The following CHST4 variants were observed in gnomAD, a reference collection of about 807,000 sequenced individuals.
CHST4 encodes GST-3.
For synonymous variants in CHST4, 171 were observed against 195.5 expected, an observed-to-expected ratio of 0.87 and a Z score of 1.05; for missense variants, 466 against 506.0, an observed-to-expected ratio of 0.92 and a Z score of 0.76.
chr16:71,534,518 C>T lies in CHST4; in HGVS notation c.-18-2142C>T, dbSNP rs544357879. 1.7e-4 allele frequency among the ~76,000 whole-genome samples: 26 copies of T among 151,934 alleles called. No homozygotes were observed. The South Asian group carries it at 5.4e-3, about 32-fold the overall frequency. The stretch of plus-strand genomic sequence containing the variant: ...GATTACAGGCACCAGCCAACACGTC[C>T]AGCTAATTTTTGTATTTTTAGCAGA... On this transcript the variant is annotated intron_variant, in intron 1 of 1. Coordinates refer to ENST00000539698, the MANE Select transcript of CHST4 (RefSeq NM_001166395.2).
chr16:71,536,870 C>T lies in CHST4; in HGVS notation c.193C>T (p.His65Tyr). 1.3e-6 allele frequency: 2 copies of T among 1,561,236 alleles called. No homozygotes were observed. The highest frequency in any genetic ancestry group is 1.7e-6 in the Non-Finnish European group (2 of 1,154,312). ...SSFVGQLFGQ[H>Y]PDVFYLMEPA... The stretch of plus-strand genomic sequence containing the variant: ...TTTTGTGGGGCAGCTTTTTGGGCAG[C>T]ACCCAGATGTTTTCTACCTGATGGA... Residue 65 changes from histidine (H) to tyrosine (Y), a missense_variant, in exon 2 of 2, where the codon CAC becomes TAC. Physicochemically the swap from His to Tyr is moderately conservative, Grantham distance 83. Transcript: ENST00000539698.
At chr16:71,527,377 T>C (rs973969843) in intron 1 of CHST4, among the ~76,000 whole-genome samples, 12 of 152,190 alleles carry the variant, frequency 7.9e-5, no homozygotes, top group African/African-American at 2.9e-4. Context: ...CCTGAGAACA[T>C]GTGTCTAAGG....
rs1478175867 is a variant in CHST4 at position 71,536,685 on chromosome 16, T to C, written c.8T>C (p.Leu3Pro). 2 of 1,490,494 alleles carry C rather than the reference T, an allele frequency of 1.3e-6. No homozygotes were observed. The highest frequency in any genetic ancestry group is 1.4e-5 in the African/African-American group (1 of 71,270). The allele number at this position is 1,490,494 out of a possible 1,614,324, so 92.3% of individuals were successfully genotyped here. A position where few individuals can be genotyped will look rare whatever the true frequency, so the allele number is the denominator to read the frequency against. ...GTCTTCCACTTCAGCACAATGCTAC[T>C]GCCTAAAAAAATGAAGCTCCTGCTG... Reference protein sequence around the residue: MLLPKKMKLLLFL... With the variant: MLPPKKMKLLLFL... Residue 3 changes from leucine (L) to proline (P), a missense_variant, in exon 2 of 2, where the codon CTG (leucine) becomes CCG (proline). Physicochemically the swap from Leu to Pro is moderately conservative, Grantham distance 98. Coordinates refer to ENST00000539698, the MANE Select transcript of CHST4 (RefSeq NM_001166395.2).
rs201301321 is a variant in CHST4 at position 71,537,074 on chromosome 16, T to C, written c.397T>C (p.Cys133Arg). The C allele has an allele frequency of 2.8e-5, 46 of 1,614,128 alleles. No individual in the cohort carries two copies. In the East Asian group the frequency reaches 1.0e-3, roughly 35 times the overall value. The change falls in exon 2 of 2, where the codon TGT (cysteine) becomes CGT (arginine). Residue 133 changes from cysteine to arginine, a missense_variant. Cys to Arg is a radical substitution (Grantham distance 180). Coordinates refer to ENST00000539698, the MANE Select transcript of CHST4 (RefSeq NM_001166395.2). The surrounding 1 kb of genome is among the most constrained non-coding windows in gnomAD (Gnocchi z 4.2). ...TCAGTGGGAGAACAGCCGGGCCCTG[T>C]GTTCTGCACCTGCCTGTGACATCAT... Reference protein sequence around the residue: ...LFQWENSRALCSAPACDIIPQ... With the variant: ...LFQWENSRALRSAPACDIIPQ...
intron 1 of CHST4, among the ~76,000 whole-genome samples, chr16:71,532,188 T>C (rs964457447): frequency 2.4e-4 from 36 of 151,902 alleles, no homozygotes; most frequent in African/African-American, 7.5e-4. Flanking sequence ...GCTGGGACTA[T>C]AGGTGCCCGC....
intron 1 of CHST4, among the ~76,000 whole-genome samples, chr16:71,527,882 T>G (rs1013391539): frequency 1.3e-5 from 2 of 152,132 alleles, no homozygotes; most frequent in Admixed American, 1.3e-4. Context: ...AAATGTTTCT[T>G]ATCAGACTTA....
intron 1 of CHST4, among the ~76,000 whole-genome samples, chr16:71,527,294 G>T (rs1326920196): frequency 6.6e-6 from 1 of 152,210 alleles, no homozygotes; most frequent in African/African-American, 2.4e-5. Context: ...GTCAGACTCT[G>T]TGACATATTT....
At chr16:71,529,645 C>T (rs965124429) in intron 1 of CHST4, among the ~76,000 whole-genome samples, 1 of 146,542 alleles carries the variant, frequency 6.8e-6, no homozygotes, top group Admixed American at 7.0e-5. Flanking sequence ...ATCAAGCCCA[C>T]ACTCATCTAT....
intron 1 of CHST4, among the ~76,000 whole-genome samples, chr16:71,535,930 G>T (rs563077815): frequency 6.6e-6 from 1 of 152,204 alleles, no homozygotes; most frequent in Non-Finnish European, 1.5e-5. Flanking sequence ...AAATGGGCAG[G>T]TGAGGTCAGG....
chr16:71,531,124 G>A lies in CHST4; in HGVS notation c.-19+4629G>A, dbSNP rs1464600815. 3.3e-5 allele frequency among the ~76,000 whole-genome samples: 5 copies of A among 152,176 alleles called. No individual in the cohort carries two copies. In the South Asian group the frequency reaches 8.3e-4, roughly 25 times the overall value. Reference sequence around the variant, plus strand: ...GTTTTTGGCAGCAGTGGGTCATGGGGAGATGCTGAGAGACAGAAGAGAAAG... The same window carrying A: ...GTTTTTGGCAGCAGTGGGTCATGGGAAGATGCTGAGAGACAGAAGAGAAAG... On this transcript the variant is annotated intron_variant, in intron 1 of 1. Coordinates refer to ENST00000539698, the MANE Select transcript of CHST4 (RefSeq NM_001166395.2).
In CHST4 at chr16:71,536,972, C is replaced by CG; in HGVS notation, c.298dup (p.Ala100GlyfsTer11). 1.9e-6 allele frequency: 3 copies of CG among 1,613,908 alleles called. No homozygotes were observed. Among genetic ancestry groups the CG allele is most frequent in the Non-Finnish European group, 2.5e-6 (3 of 1,179,898 alleles). ...GCACATGGCTGTGCGGGATCTGATACGGGCCGTCTTCTTGTGCGACATGAG... is the reference window on the plus strand; with the variant it reads ...GCACATGGCTGTGCGGGATCTGATACGGGGCCGTCTTCTTGTGCGACATGAG... On this transcript the variant is annotated frameshift_variant, in exon 2 of 2. Coordinates refer to ENST00000539698, the MANE Select transcript of CHST4 (RefSeq NM_001166395.2). LOFTEE classifies it low-confidence loss of function (END_TRUNC).
intron 1 of CHST4, among the ~76,000 whole-genome samples, chr16:71,534,295 A>G (rs934799482): frequency 1.3e-5 from 2 of 151,350 alleles, no homozygotes; most frequent in Non-Finnish European, 1.5e-5. Flanking sequence ...AGGCTGAGGC[A>G]GGAAGATTGT....
At position 71,537,409 on chromosome 16, in the gene CHST4, T is replaced by G. The variant is rs370585800; in HGVS notation, c.732T>G (p.Tyr244Ter). The G allele has an allele frequency of 3.1e-6, 5 of 1,614,170 alleles. No homozygotes were observed. Among genetic ancestry groups the G allele is most frequent in the South Asian group, 2.2e-5 (2 of 91,078 alleles). The change falls in exon 2 of 2, where the codon TAT becomes TAG. Residue 244 changes from tyrosine to a stop codon, truncating the protein, a stop_gained. Coordinates refer to ENST00000539698, the MANE Select transcript of CHST4 (RefSeq NM_001166395.2). LOFTEE classifies it low-confidence loss of function (END_TRUNC). This position sits in a 1 kb window ranked among gnomAD's most constrained non-coding sequence, Gnocchi z 4.2. ...QKLKKEDQPYYVMQVICQSQL... is the reference protein window; with the variant it reads ...QKLKKEDQPY The stretch of plus-strand genomic sequence containing the variant: ...TCAAGAAGGAGGACCAACCCTACTA[T>G]GTGATGCAGGTCATCTGCCAAAGCC...
chr16:71,531,366 C>G (rs548900343), intron 1 of CHST4, among the ~76,000 whole-genome samples: 35 of 152,328 alleles, frequency 2.3e-4, no homozygotes, highest in African/African-American at 7.2e-4. Context: ...TATCCCCTGG[C>G]TCTCTGGTCA....
Position 71,526,496 on chromosome 16 carries a change from G to A in CHST4, c.-19+1G>A, listed in dbSNP as rs939177011. The A allele has an allele frequency of 3.3e-5, 5 of 152,288 alleles. No individual in the cohort carries two copies. Among genetic ancestry groups the A allele is most frequent in the African/African-American group, 4.8e-5 (2 of 41,430 alleles). The allele number at this position is 152,288 out of a possible 1,614,324, so 9.4% of individuals were successfully genotyped here. On this transcript the variant is annotated splice_donor_variant, in intron 1 of 1. Transcript: ENST00000539698. LOFTEE classifies it low-confidence loss of function (5UTR_SPLICE). ...GCAGCAGGGAAGCCCAAGCCACAAG[G>A]TAAGAAGAGAATTTCTGTGTACGAC...
intron 1 of CHST4, among the ~76,000 whole-genome samples, chr16:71,529,543 A>ATTTTTTTTTTTTTTTTTTTTTT (rs1157747412): frequency 4.8e-5 from 2 of 41,360 alleles, no homozygotes; most frequent in African/African-American, 9.6e-5. Context: ...ATGCTCATCT[A>ATTTTTTTTTTTTTTTTTTTTTT]TTTTTTTTTT....
intron 1 of CHST4, among the ~76,000 whole-genome samples, chr16:71,532,262 TG>T (rs893645898): frequency 3.9e-5 from 6 of 152,192 alleles, no homozygotes; most frequent in African/African-American, 1.4e-4. Flanking sequence ...TTAGCCAGGA[TG>T]GTCTCGATCT....
intron 1 of CHST4, 80 bp from the exon 2 acceptor site, chr16:71,536,580 G>A (rs560498259): frequency 7.5e-6 from 8 of 1,068,178 alleles, no homozygotes; most frequent in East Asian, 2.7e-5. Context: ...CAGAGAGCAG[G>A]TGGCTTTGGC....
intron 1 of CHST4, among the ~76,000 whole-genome samples, chr16:71,532,141 G>C (rs574310631): frequency 5.0e-4 from 74 of 148,948 alleles, no homozygotes; most frequent in African/African-American, 1.7e-3. Flanking sequence ...TCTGCCTCCT[G>C]GGTTCACGCC....
Sources: allele counts gnomAD v4.1 joint callset (sites outside exome capture counted in the v4.1 genomes callset), GRCh38; gene constraint gnomAD v4.1.1; non-coding constraint Gnocchi (gnomAD v3.1); transcripts MANE v1.5; gene names NCBI Gene and HGNC (gene_info 2026-07-23, HGNC 2026-07-21).